Variants in PPARGC1A observed in about 807,000 individuals in gnomAD.
PPARGC1A encodes PPARG coactivator 1 alpha, also known as peroxisome proliferator-activated receptor gamma coactivator 1-alpha.
Under a neutral mutation model 88.7 loss-of-function variants are expected in PPARGC1A, and 25 were observed. The ratio of observed to expected loss-of-function variants is 0.28; its 90% confidence interval spans 0.21 to 0.39. The LOEUF (loss-of-function observed/expected upper bound fraction) is 0.39. Ranked by LOEUF, PPARGC1A falls within the 10% of genes least tolerant of loss-of-function variation. The probability of loss-of-function intolerance (pLI) is 1.00; values close to 1 mark genes in which losing one functional copy is unlikely to be tolerated. For missense variants in PPARGC1A, 880 were observed against 968.7 expected, an observed-to-expected ratio of 0.91 and a Z score of 1.22; for synonymous variants, 363 against 355.6, an observed-to-expected ratio of 1.02 and a Z score of -0.24.
chr4:23,994,885 A>G, the PPARGC1A span, among the ~76,000 whole-genome samples: 1 of 152,180 alleles, frequency 6.6e-6, no homozygotes, highest in Non-Finnish European at 1.5e-5. Flanking sequence ...ATTCCAGTCA[A>G]TCAACAGAGT....
At chr4:24,131,364 C>T in the PPARGC1A span, among the ~76,000 whole-genome samples, 1 of 152,286 alleles carries the variant, frequency 6.6e-6, no homozygotes, top group African/African-American at 2.4e-5. Flanking sequence ...AATCAATCAA[C>T]AAAAGATAAA....
the PPARGC1A span, among the ~76,000 whole-genome samples, chr4:24,392,768 G>C: frequency 6.6e-6 from 1 of 152,060 alleles, no homozygotes; most frequent in Non-Finnish European, 1.5e-5. Flanking sequence ...ATCTATCTTT[G>C]GAATTCTGCA....
chr4:24,042,549 G>A, the PPARGC1A span, among the ~76,000 whole-genome samples: 1 of 152,118 alleles, frequency 6.6e-6, no homozygotes, highest in South Asian at 2.1e-4. Context: ...GCCACTGACA[G>A]CTTAAGCTAT....
the PPARGC1A span, among the ~76,000 whole-genome samples, chr4:24,301,672 G>A: frequency 1.3e-5 from 2 of 148,264 alleles, no homozygotes; most frequent in African/African-American, 5.0e-5. Context: ...ACTTTTTAAT[G>A]TACTGTTACT....
the PPARGC1A span, among the ~76,000 whole-genome samples, chr4:24,113,153 T>C: frequency 6.6e-6 from 1 of 152,168 alleles, no homozygotes; most frequent in East Asian, 1.9e-4. Flanking sequence ...TAGGGTTCCT[T>C]TTAGAGCACA....
At chr4:24,036,330 T>C in the PPARGC1A span, among the ~76,000 whole-genome samples, 1 of 152,340 alleles carries the variant, frequency 6.6e-6, no homozygotes. Context: ...CAAAACCACT[T>C]GGCAGTGTTT....
chr4:23,896,186 C>T (rs4536908), intron 1 of PPARGC1A, among the ~76,000 whole-genome samples: 72,140 of 151,632 alleles, frequency 0.48, 17,627 homozygotes, highest in Middle Eastern at 0.62. Flanking sequence ...ACAAGCTGTT[C>T]GTAGTGGCTG....
chr4:23,892,738 A>G (rs1216480250), upstream of PPARGC1A, among the ~76,000 whole-genome samples: 2 of 152,144 alleles, frequency 1.3e-5, no homozygotes, highest in Non-Finnish European at 1.5e-5. Context: ...ATCTGGTTTC[A>G]GACAACAAGG....
the PPARGC1A span, among the ~76,000 whole-genome samples, chr4:24,365,025 C>T: frequency 5.3e-5 from 8 of 152,078 alleles, no homozygotes; most frequent in Non-Finnish European, 1.2e-4. Flanking sequence ...TTGTAACTTA[C>T]CCAGCATGAC....
At chr4:24,073,188 C>T in the PPARGC1A span, among the ~76,000 whole-genome samples, 1 of 151,996 alleles carries the variant, frequency 6.6e-6, no homozygotes, top group African/African-American at 2.4e-5. Context: ...ACTACAGGCA[C>T]TTGCCACCAC....
At chr4:24,158,185 C>T in the PPARGC1A span, among the ~76,000 whole-genome samples, 5 of 152,058 alleles carry the variant, frequency 3.3e-5, no homozygotes, top group Non-Finnish European at 1.5e-5. Context: ...TATTCTCCCT[C>T]CCCTCCCATC....
chr4:24,056,626 A>T, the PPARGC1A span, among the ~76,000 whole-genome samples: 2 of 152,282 alleles, frequency 1.3e-5, no homozygotes, highest in Admixed American at 6.5e-5. Flanking sequence ...CTTGAATAAA[A>T]CCAGCTGTGC....
the PPARGC1A span, among the ~76,000 whole-genome samples, chr4:24,298,095 T>C: frequency 2.0e-5 from 3 of 151,868 alleles, no homozygotes; most frequent in South Asian, 4.2e-4. Context: ...TTAGAGTCAG[T>C]AGTCACATTA....
the PPARGC1A span, among the ~76,000 whole-genome samples, chr4:24,211,091 G>C: frequency 6.6e-6 from 1 of 152,130 alleles, no homozygotes; most frequent in African/African-American, 2.4e-5. Context: ...AACTTCTTAA[G>C]GGCACAGGCA....
At chr4:24,066,638 T>C in the PPARGC1A span, among the ~76,000 whole-genome samples, 2 of 152,172 alleles carry the variant, frequency 1.3e-5, no homozygotes, top group Non-Finnish European at 2.9e-5. Context: ...CAGGCTCCGA[T>C]AGGGGAAAAG....
chr4:24,127,603 A>T, the PPARGC1A span, among the ~76,000 whole-genome samples: 11 of 152,136 alleles, frequency 7.2e-5, no homozygotes, highest in Admixed American at 5.9e-4. Flanking sequence ...AGAGATAGAG[A>T]TAGAACTTCA....
At chr4:23,939,461 CT>C in the PPARGC1A span, among the ~76,000 whole-genome samples, 1 of 152,174 alleles carries the variant, frequency 6.6e-6, no homozygotes, top group Non-Finnish European at 1.5e-5. Context: ...TAACAACTAT[CT>C]TTTATTTCAA....
At chr4:24,116,164 C>T in the PPARGC1A span, among the ~76,000 whole-genome samples, 4 of 152,232 alleles carry the variant, frequency 2.6e-5, no homozygotes, top group African/African-American at 9.6e-5. Flanking sequence ...TTTGTATATA[C>T]GATTTTTGTT....
At chr4:24,239,742 T>C in the PPARGC1A span, among the ~76,000 whole-genome samples, 1 of 152,166 alleles carries the variant, frequency 6.6e-6, no homozygotes, top group Admixed American at 6.5e-5. Flanking sequence ...TAAACCACTT[T>C]TCTTTGCACA....
Sources: allele counts gnomAD v4.1 joint callset (sites outside exome capture counted in the v4.1 genomes callset), GRCh38; gene constraint gnomAD v4.1.1; transcripts MANE v1.5; gene names NCBI Gene and HGNC (gene_info 2026-07-23, HGNC 2026-07-21).